Variants in AFG2A observed in about 807,000 individuals in gnomAD.
AFG2A encodes AAA ATPase AFG2A.
chr4:123,237,942 C>T, the AFG2A span, among the ~76,000 whole-genome samples: 10 of 152,142 alleles, frequency 6.6e-5, no homozygotes, highest in Admixed American at 2.0e-4. Context: ...CCATGACAGA[C>T]AGTACCTGGA....
At chr4:123,231,728 G>A in the AFG2A span, among the ~76,000 whole-genome samples, 1 of 151,942 alleles carries the variant, frequency 6.6e-6, no homozygotes, top group Non-Finnish European at 1.5e-5. Context: ...AGTGAGAGAT[G>A]TGGGACTCTT....
At chr4:123,187,876 G>A in the AFG2A span, among the ~76,000 whole-genome samples, 1 of 151,712 alleles carries the variant, frequency 6.6e-6, no homozygotes, top group African/African-American at 2.4e-5. Context: ...CATGCTTGTA[G>A]TCCCAGCTAC....
chr4:123,198,948 C>T, the AFG2A span, among the ~76,000 whole-genome samples: 1 of 152,054 alleles, frequency 6.6e-6, no homozygotes, highest in Admixed American at 6.6e-5. Flanking sequence ...TAGTTAAAGG[C>T]CAACATAAAA....
chr4:123,316,318 C>T, the AFG2A span: 1 of 152,152 alleles, frequency 6.6e-6, no homozygotes, highest in African/African-American at 2.4e-5. Flanking sequence ...GTTTATCAGA[C>T]ATATCAGCCA....
chr4:123,007,682 G>T, the AFG2A span, among the ~76,000 whole-genome samples: 1 of 138,770 alleles, frequency 7.2e-6, no homozygotes, highest in African/African-American at 2.8e-5. Context: ...TGGACCTTCT[G>T]CAAATTTTAA....
chr4:123,094,197 G>A, the AFG2A span, among the ~76,000 whole-genome samples: 39 of 152,176 alleles, frequency 2.6e-4, no homozygotes, highest in Non-Finnish European at 5.3e-4. Flanking sequence ...GACTAAGTCT[G>A]GTTAAACAGA....
the AFG2A span, among the ~76,000 whole-genome samples, chr4:122,975,160 A>C: frequency 2.0e-5 from 3 of 152,198 alleles, no homozygotes; most frequent in Non-Finnish European, 4.4e-5. Flanking sequence ...TGGAGGCTGG[A>C]AAGTCCAAGA....
chr4:122,932,112 T>C, the AFG2A span, among the ~76,000 whole-genome samples: 1 of 151,168 alleles, frequency 6.6e-6, no homozygotes, highest in Admixed American at 6.6e-5. Flanking sequence ...ACAAAAAATA[T>C]ATATGTATAA....
At chr4:123,018,303 G>A in the AFG2A span, among the ~76,000 whole-genome samples, 3 of 152,180 alleles carry the variant, frequency 2.0e-5, no homozygotes, top group East Asian at 5.8e-4. Flanking sequence ...AAATAAGATC[G>A]GATGCAAATA....
the AFG2A span, among the ~76,000 whole-genome samples, chr4:122,948,062 G>A: frequency 1.1e-4 from 16 of 151,972 alleles, 1 homozygote; most frequent in Admixed American, 9.8e-4. Context: ...TATTGGCAAG[G>A]CTTCAGGTCA....
At chr4:123,022,895 T>C in the AFG2A span, among the ~76,000 whole-genome samples, 4 of 151,926 alleles carry the variant, frequency 2.6e-5, no homozygotes, top group Non-Finnish European at 5.9e-5. Context: ...GGGACATGGA[T>C]GAAATTGGAA....
At chr4:123,035,958 T>C in the AFG2A span, among the ~76,000 whole-genome samples, 13 of 152,168 alleles carry the variant, frequency 8.5e-5, no homozygotes, top group Non-Finnish European at 1.8e-4. Flanking sequence ...TTTTTATTCA[T>C]GGATAAATTA....
chr4:123,086,819 G>T, the AFG2A span, among the ~76,000 whole-genome samples: 1 of 151,806 alleles, frequency 6.6e-6, no homozygotes, highest in Non-Finnish European at 1.5e-5. Flanking sequence ...AGCTGTTTCC[G>T]GTTGACTAAT....
At chr4:122,974,370 GCC>G in the AFG2A span, among the ~76,000 whole-genome samples, 2 of 152,050 alleles carry the variant, frequency 1.3e-5, no homozygotes, top group Non-Finnish European at 2.9e-5. Flanking sequence ...GGCAAGTATT[GCC>G]AGATACTATC....
the AFG2A span, among the ~76,000 whole-genome samples, chr4:123,058,354 G>A: frequency 1.3e-3 from 193 of 152,292 alleles, no homozygotes; most frequent in African/African-American, 4.5e-3. Context: ...GCTGGGCGCC[G>A]TGGCTCACGC....
At chr4:123,002,910 G>A in the AFG2A span, among the ~76,000 whole-genome samples, 1 of 152,118 alleles carries the variant, frequency 6.6e-6, no homozygotes, top group East Asian at 1.9e-4. Flanking sequence ...TTTCCAACTT[G>A]GTTTCATTCT....
chr4:122,968,903 A>G, the AFG2A span, among the ~76,000 whole-genome samples: 1 of 152,146 alleles, frequency 6.6e-6, no homozygotes, highest in Admixed American at 6.5e-5. Flanking sequence ...TGAATTGACC[A>G]TTTAGATGTC....
chr4:122,947,441 C>G, the AFG2A span: 1 of 1,613,972 alleles, frequency 6.2e-7, no homozygotes, highest in Admixed American at 1.7e-5. Context: ...GCAAATAGTG[C>G]TCATGGATAC....
chr4:123,108,586 T>C, the AFG2A span, among the ~76,000 whole-genome samples: 12 of 152,306 alleles, frequency 7.9e-5, no homozygotes, highest in Admixed American at 2.0e-4. Context: ...GTCAGAGGTA[T>C]GTTTTGTTAT....
Sources: gnomAD v4.1 joint callset for allele counts (sites outside exome capture counted in the v4.1 genomes callset) on GRCh38, gnomAD v4.1.1 for gene constraint, MANE v1.5 for transcripts, NCBI Gene and HGNC (gene_info 2026-07-23, HGNC 2026-07-21) for gene names.